The following ABCA10 variants were observed in gnomAD, a reference collection of about 807,000 sequenced individuals.
ABCA10 encodes the protein ATP-binding cassette sub-family A member 10.
A neutral mutation model predicts 187.5 loss-of-function variants in ABCA10; 169 were observed. That is an observed-to-expected ratio of 0.90 (90% CI 0.80 to 1.02). ABCA10 has a LOEUF of 1.02. Ranked by LOEUF, ABCA10 falls within the 50% of genes least tolerant of loss-of-function variation. The probability of loss-of-function intolerance (pLI) is 0.00; values close to 1 mark genes in which losing one functional copy is unlikely to be tolerated. For missense variants in ABCA10, 1,727 were observed against 1,812.4 expected, an observed-to-expected ratio of 0.95 and a Z score of 0.86; for synonymous variants, 574 against 601.8, an observed-to-expected ratio of 0.95 and a Z score of 0.68.
chr17:69,194,521 T>G, intron 11 of ABCA10, 26 bp from the exon 12 acceptor site: 1 of 1,548,478 alleles, frequency 6.5e-7, no homozygotes, highest in Non-Finnish European at 8.8e-7. Flanking sequence ...AAGTGGAAAT[T>G]AGATTTTGGA....
chr17:69,222,726 A>C (rs1484537560), intron 3 of ABCA10, 29 bp from the exon 4 acceptor site: 1 of 1,536,334 alleles, frequency 6.5e-7, no homozygotes, highest in Non-Finnish European at 8.7e-7. Flanking sequence ...ATAAATAAAT[A>C]ATCATGTAAA....
chr17:69,197,746 C>T (rs2074516506), intron 10 of ABCA10, among the ~76,000 whole-genome samples: 1 of 152,154 alleles, frequency 6.6e-6, no homozygotes, highest in African/African-American at 2.4e-5. Context: ...TTTGGTTCCA[C>T]ATCTTCCTCT....
chr17:69,223,336 T>TA (rs1248996392), intron 3 of ABCA10, among the ~76,000 whole-genome samples: 3 of 152,104 alleles, frequency 2.0e-5, no homozygotes, highest in South Asian at 4.1e-4. Flanking sequence ...AGTACAAAAA[T>TA]AAAAAATATA....
At chr17:69,213,944 T>A (rs1346961838) in intron 9 of ABCA10, among the ~76,000 whole-genome samples, 2 of 152,190 alleles carry the variant, frequency 1.3e-5, no homozygotes, top group East Asian at 3.9e-4. Context: ...GAATAAGAAA[T>A]AATCCATTAA....
chr17:69,220,215 G>C (rs1368025772), intron 5 of ABCA10, among the ~76,000 whole-genome samples: 1 of 151,960 alleles, frequency 6.6e-6, no homozygotes, highest in Non-Finnish European at 1.5e-5. Context: ...TGAAGGCTGT[G>C]ATCTTTCCTA....
intron 19 of ABCA10, among the ~76,000 whole-genome samples, chr17:69,186,151 C>G (rs2074419126): frequency 6.6e-6 from 1 of 152,190 alleles, no homozygotes; most frequent in African/African-American, 2.4e-5. Context: ...CCCACCAACT[C>G]AAATTGCAAG....
Position 69,221,815 on chromosome 17 carries a change from C to A in ABCA10, c.280G>T (p.Ala94Ser). ...ACTTCTATAATTGCAGCATTAATTG[C>A]AGCTTGAAAAGCTACAAACCCTTTT... is the stretch of plus-strand genomic sequence containing the variant. ...WLKGFVAFQA[A>S]INAAIIEVTT... is the part of the protein sequence containing the mutation. The change falls in exon 5 of 39, where the codon GCA becomes TCA. Residue 94 changes from alanine to serine, a missense_variant. Physicochemically the swap from Ala to Ser is moderately conservative, Grantham distance 99. Coordinates refer to ENST00000690296, the MANE Select transcript of ABCA10 (RefSeq NM_001377321.1). The A allele has an allele frequency of 6.2e-7, 1 of 1,611,654 alleles. No individual in the cohort carries two copies. The highest frequency in any genetic ancestry group is 8.5e-7 in the Non-Finnish European group (1 of 1,179,162).
intron 1 of ABCA10, among the ~76,000 whole-genome samples, chr17:69,235,993 CT>C (rs2074867741): frequency 6.6e-6 from 1 of 152,142 alleles, no homozygotes; most frequent in African/African-American, 2.4e-5. Flanking sequence ...CAGTTCTCAA[CT>C]TTTGTCTCAG....
At chr17:69,208,584 C>T (rs2074610841) in intron 9 of ABCA10, among the ~76,000 whole-genome samples, 2 of 152,096 alleles carry the variant, frequency 1.3e-5, no homozygotes, top group Non-Finnish European at 2.9e-5. Flanking sequence ...CTCATTTTGT[C>T]TGCTAGGTTC....
Position 69,150,079 on chromosome 17 carries a change from G to A in ABCA10, c.4398-16C>T. The A allele has an allele frequency of 1.3e-6, 2 of 1,585,566 alleles. No individual in the cohort carries two copies. The highest frequency in any genetic ancestry group is 2.2e-5 in the East Asian group (1 of 44,660). On this transcript the variant is annotated splice_polypyrimidine_tract_variant and intron_variant, in intron 36 of 38. Coordinates refer to ENST00000690296, the MANE Select transcript of ABCA10 (RefSeq NM_001377321.1). ...AGAGGAATATCTGTCAGGAAGAAGA[G>A]TGAGATTTATTACTAAGTTTCAGTG...
rs1438370996 is a variant in ABCA10, at chr17:69,148,184, T to C, written c.*643A>G. ...GAGGTGAAAAGATACAGAAAATGACTATGCCTACTGATACTACCTTTGAAA... is the reference window on the plus strand; with the variant it reads ...GAGGTGAAAAGATACAGAAAATGACCATGCCTACTGATACTACCTTTGAAA... On this transcript the variant is annotated 3_prime_UTR_variant, in exon 39 of 39. Transcript: ENST00000690296. 1 of 152,218 alleles carries C rather than the reference T, an allele frequency of 6.6e-6. No homozygotes were observed. The highest frequency in any genetic ancestry group is 2.4e-5 in the African/African-American group (1 of 41,444). The allele number at this position is 152,218 out of a possible 1,614,324, so 9.4% of individuals were successfully genotyped here. A position where few individuals can be genotyped will look rare whatever the true frequency, so the allele number is the denominator to read the frequency against.
chr17:69,219,608 G>GCAA lies in ABCA10; in HGVS notation c.464_466dup (p.Val155dup), dbSNP rs1229112980. On this transcript the variant is annotated inframe_insertion, in exon 6 of 39. Transcript: ENST00000690296. ...TTTCTTAAATTTTCCTCTTTCCCTT[G>GCAA]CAACATTTAATGATGCAAAGTATAT... 1.9e-6 allele frequency: 3 copies of GCAA among 1,609,732 alleles called. No homozygotes were observed. The South Asian group carries it at 3.4e-5, about 18-fold the overall frequency.
chr17:69,206,412 C>A (rs145454268), intron 9 of ABCA10, among the ~76,000 whole-genome samples: 1 of 152,240 alleles, frequency 6.6e-6, no homozygotes, highest in East Asian at 1.9e-4. Context: ...CTCAAAAATA[C>A]CTTCACAAGC....
At chr17:69,154,705 G>C (rs1290553784) in intron 30 of ABCA10, among the ~76,000 whole-genome samples, 3 of 152,106 alleles carry the variant, frequency 2.0e-5, no homozygotes, top group African/African-American at 7.2e-5. Context: ...AGAGGCACGA[G>C]CCACCGTGGC....
rs951580886 is a variant in ABCA10, at chr17:69,148,171, T to C, written c.*656A>G. 1 of 152,110 alleles carries C rather than the reference T, an allele frequency of 6.6e-6. No homozygotes were observed. Among genetic ancestry groups the C allele is most frequent in the African/African-American group, 2.4e-5 (1 of 41,412 alleles). The allele number at this position is 152,110 out of a possible 1,614,324, so 9.4% of individuals were successfully genotyped here. On this transcript the variant is annotated 3_prime_UTR_variant, in exon 39 of 39. Coordinates refer to ENST00000690296, the MANE Select transcript of ABCA10 (RefSeq NM_001377321.1). Reference sequence around the variant, plus strand: ...GTTCATGAACTGTGAGGTGAAAAGATACAGAAAATGACTATGCCTACTGAT... The same window carrying C: ...GTTCATGAACTGTGAGGTGAAAAGACACAGAAAATGACTATGCCTACTGAT...
intron 1 of ABCA10, among the ~76,000 whole-genome samples, chr17:69,239,016 T>C (rs1328540683): frequency 1.3e-5 from 2 of 152,234 alleles, no homozygotes; most frequent in Admixed American, 1.3e-4. Context: ...TTGTCAAAGA[T>C]AACATGGCCT....
intron 9 of ABCA10, among the ~76,000 whole-genome samples, chr17:69,208,100 G>T (rs993932898): frequency 8.5e-5 from 13 of 152,108 alleles, no homozygotes; most frequent in Non-Finnish European, 1.9e-4. Context: ...TAGAGACAGT[G>T]AATTACTAAT....
chr17:69,219,743 T>C lies in ABCA10; in HGVS notation c.332A>G (p.Glu111Gly), dbSNP rs2074732367. ...EVTTNHSVME[E>G]LTSVIGINMK... ...ATTTATTCCAATAACTGATGTCAACTCCTCCATTACAGAATGATTTGTTGT... is the reference window on the plus strand; with the variant it reads ...ATTTATTCCAATAACTGATGTCAACCCCTCCATTACAGAATGATTTGTTGT... Residue 111 changes from glutamate (E) to glycine (G), a missense_variant, in exon 6 of 39, where the codon GAG becomes GGG. Coordinates refer to ENST00000690296, the MANE Select transcript of ABCA10 (RefSeq NM_001377321.1). The C allele has an allele frequency of 6.2e-7, 1 of 1,604,932 alleles. No individual in the cohort carries two copies. Among genetic ancestry groups the C allele is most frequent in the East Asian group, 2.2e-5 (1 of 44,690 alleles).
chr17:69,243,796 G>A (rs2074921803), intron 1 of ABCA10, among the ~76,000 whole-genome samples: 1 of 152,180 alleles, frequency 6.6e-6, no homozygotes, highest in Non-Finnish European at 1.5e-5. Context: ...TACTCAGGAG[G>A]CTGAGGTGGG....
Sources: gnomAD v4.1 joint callset for allele counts (sites outside exome capture counted in the v4.1 genomes callset) on GRCh38, gnomAD v4.1.1 for gene constraint, MANE v1.5 for transcripts, NCBI Gene and HGNC (gene_info 2026-07-23, HGNC 2026-07-21) for gene names.